Variants in ADAMTS12 observed in about 807,000 individuals in gnomAD.
ADAMTS12 encodes A disintegrin and metalloproteinase with thrombospondin motifs 12.
Under a neutral mutation model 167.8 loss-of-function variants are expected in ADAMTS12, and 118 were observed. The observed-to-expected ratio is 0.70, with a 90% CI of 0.61 to 0.82. The LOEUF is 0.82. ADAMTS12 is among the 40% of genes least tolerant of loss of function. The probability of loss-of-function intolerance (pLI) is 0.00; values close to 1 mark genes in which losing one functional copy is unlikely to be tolerated. For synonymous variants in ADAMTS12, 704 were observed against 716.9 expected (o/e 0.98, Z 0.29); for missense variants, 1,916 against 1,998.8 (o/e 0.96, Z 0.79).
intron 2 of ADAMTS12, among the ~76,000 whole-genome samples, chr5:33,864,795 C>G (rs968845521): frequency 1.3e-5 from 2 of 152,058 alleles, no homozygotes; most frequent in African/African-American, 4.8e-5. Flanking sequence ...ACAATGAGAA[C>G]ACATGGACAC....
intron 3 of ADAMTS12, among the ~76,000 whole-genome samples, chr5:33,703,026 G>A (rs1166328288): frequency 6.6e-6 from 1 of 152,112 alleles, no homozygotes; most frequent in Non-Finnish European, 1.5e-5. Flanking sequence ...CCTCAAACTT[G>A]AATACCTTGA....
chr5:33,646,622 C>T (rs1044005188), intron 9 of ADAMTS12, among the ~76,000 whole-genome samples: 1 of 152,066 alleles, frequency 6.6e-6, no homozygotes, highest in South Asian at 2.1e-4. Context: ...TGAAAATTTT[C>T]GGTGAAAGAA....
Position 33,648,807 on chromosome 5 carries a change from A to G in ADAMTS12, c.1479+15T>C, listed in dbSNP as rs1464921994. Reference sequence around the variant, plus strand: ...ATCTGAAGCCCTGCATATAGCCACCAAGAGGTACACTTACTTCTACTTCCT... The same window carrying G: ...ATCTGAAGCCCTGCATATAGCCACCGAGAGGTACACTTACTTCTACTTCCT... On this transcript the variant is annotated intron_variant, in intron 9 of 23. Transcript: ENST00000504830. 2.5e-6 allele frequency: 4 copies of G among 1,613,934 alleles called. No homozygotes were observed. The highest frequency in any genetic ancestry group is 2.2e-5 in the East Asian group (1 of 44,868).
chr5:33,867,733 T>C (rs148265608), intron 2 of ADAMTS12, among the ~76,000 whole-genome samples: 4 of 152,330 alleles, frequency 2.6e-5, no homozygotes, highest in African/African-American at 9.6e-5. Flanking sequence ...AAATTATTAA[T>C]TGTGATGCAC....
chr5:33,872,619 C>A (rs1019624394), intron 2 of ADAMTS12, among the ~76,000 whole-genome samples: 1 of 151,758 alleles, frequency 6.6e-6, no homozygotes, highest in South Asian at 2.1e-4. Flanking sequence ...AGACGCAAAA[C>A]CCCTCAAGCA....
intron 18 of ADAMTS12, among the ~76,000 whole-genome samples, chr5:33,580,122 T>C (rs910617572): frequency 1.3e-5 from 2 of 152,250 alleles, no homozygotes; most frequent in African/African-American, 4.8e-5. Flanking sequence ...ATCTTACTGA[T>C]GGTGTGAATT....
At chr5:33,712,662 A>T (rs561060258) in intron 3 of ADAMTS12, among the ~76,000 whole-genome samples, 10 of 152,286 alleles carry the variant, frequency 6.6e-5, no homozygotes, top group African/African-American at 2.4e-4. Flanking sequence ...AATCACTGAC[A>T]TAGGTGAGAA....
chr5:33,713,097 T>A (rs149450007), intron 3 of ADAMTS12, among the ~76,000 whole-genome samples: 1 of 149,444 alleles, frequency 6.7e-6, no homozygotes, highest in African/African-American at 2.4e-5. Context: ...TCTGAATGGA[T>A]GTTTCTGAAA....
At chr5:33,580,000 G>A (rs1435530571) in intron 18 of ADAMTS12, among the ~76,000 whole-genome samples, 1 of 151,636 alleles carries the variant, frequency 6.6e-6, no homozygotes, top group Non-Finnish European at 1.5e-5. Context: ...AGATACTGTG[G>A]AGATCCACAC....
At chr5:33,555,407 G>A (rs1487100484) in intron 20 of ADAMTS12, among the ~76,000 whole-genome samples, 4 of 152,058 alleles carry the variant, frequency 2.6e-5, no homozygotes, top group Non-Finnish European at 5.9e-5. Context: ...GTACCAAGCC[G>A]GGCTAAGTTT....
chr5:33,783,387 A>C (rs1561269452), intron 2 of ADAMTS12, among the ~76,000 whole-genome samples: 2 of 151,838 alleles, frequency 1.3e-5, no homozygotes, highest in Non-Finnish European at 2.9e-5. Flanking sequence ...GCTCAAATTA[A>C]AAATTAATTA....
chr5:33,611,842 GCATC>G (rs1375033383), intron 16 of ADAMTS12, among the ~76,000 whole-genome samples: 3 of 152,106 alleles, frequency 2.0e-5, no homozygotes, highest in African/African-American at 7.2e-5. Context: ...GTACATAAAT[GCATC>G]CATATACACA....
At chr5:33,636,864 G>A (rs1740223563) in intron 12 of ADAMTS12, among the ~76,000 whole-genome samples, 1 of 152,162 alleles carries the variant, frequency 6.6e-6, no homozygotes, top group South Asian at 2.1e-4. Flanking sequence ...AGGAGAGAAT[G>A]TGTCTGGACG....
At chr5:33,851,758 A>G (rs1749228102) in intron 2 of ADAMTS12, among the ~76,000 whole-genome samples, 2 of 152,214 alleles carry the variant, frequency 1.3e-5, no homozygotes. Context: ...AGATGCTTTT[A>G]TGTCTTTTTC....
At chr5:33,573,032 C>T (rs969197581) in intron 19 of ADAMTS12, among the ~76,000 whole-genome samples, 15 of 152,072 alleles carry the variant, frequency 9.9e-5, no homozygotes, top group African/African-American at 3.6e-4. Flanking sequence ...CTTAGGAATC[C>T]AACTTACAAG....
At chr5:33,658,073 T>C in intron 7 of ADAMTS12, 111 bp downstream of exon 7, 4 of 1,359,086 alleles carry the variant, frequency 2.9e-6, no homozygotes, top group Non-Finnish European at 4.1e-6. Flanking sequence ...CAAGCCACAG[T>C]ATAATCTGAG....
intron 22 of ADAMTS12, among the ~76,000 whole-genome samples, chr5:33,538,584 G>A (rs1261924380): frequency 6.6e-6 from 1 of 152,154 alleles, no homozygotes; most frequent in Non-Finnish European, 1.5e-5. Flanking sequence ...CTCCACCAAA[G>A]GGAGATAGGA....
chr5:33,539,506 T>C (rs763572100), intron 22 of ADAMTS12, among the ~76,000 whole-genome samples: 30 of 152,194 alleles, frequency 2.0e-4, no homozygotes, highest in Non-Finnish European at 3.4e-4. Context: ...GTAAAACAGA[T>C]GTTTCTTAGG....
chr5:33,542,845 C>T (rs891067509), intron 22 of ADAMTS12, among the ~76,000 whole-genome samples: 2 of 152,208 alleles, frequency 1.3e-5, no homozygotes, highest in African/African-American at 4.8e-5. Flanking sequence ...ACCAGAATCT[C>T]TGGGACACAT....
Sources: gnomAD v4.1 joint callset for allele counts (sites outside exome capture counted in the v4.1 genomes callset) on GRCh38, gnomAD v4.1.1 for gene constraint, MANE v1.5 for transcripts, NCBI Gene and HGNC (gene_info 2026-07-23, HGNC 2026-07-21) for gene names.